Variants in COX10 observed in about 807,000 individuals in gnomAD.
COX10 encodes cytochrome c oxidase assembly factor heme A:farnesyltransferase COX10.
COX10 carries 27 observed loss-of-function variants against 37.3 expected under a neutral mutation model. That is an observed-to-expected ratio of 0.72 (90% CI 0.53 to 1.00). The LOEUF (loss-of-function observed/expected upper bound fraction) is 1.00. COX10 is among the 50% of genes least tolerant of loss of function. The pLI, the probability that COX10 is intolerant of heterozygous loss-of-function variation, is 0.00. For missense variants in COX10, 475 were observed against 563.2 expected (o/e 0.84, Z 1.59); for synonymous variants, 222 against 229.1 (o/e 0.97, Z 0.28).
At chr17:14,163,247 T>TCG (rs1905206446) in intron 5 of COX10, among the ~76,000 whole-genome samples, 1 of 150,842 alleles carries the variant, frequency 6.6e-6, no homozygotes, top group Non-Finnish European at 1.5e-5. Flanking sequence ...ATTTATTTAT[T>TCG]TATTTATTTA....
chr17:14,163,027 A>G (rs1214879264), intron 5 of COX10, among the ~76,000 whole-genome samples: 1 of 152,150 alleles, frequency 6.6e-6, no homozygotes, highest in African/African-American at 2.4e-5. Context: ...GCTTTTAATA[A>G]ATTAAAGCTG....
At chr17:14,179,124 A>G (rs1905776272) in intron 5 of COX10, 1 of 243,582 alleles carries the variant, frequency 4.1e-6, no homozygotes, top group South Asian at 1.5e-4. Flanking sequence ...AATATTTACC[A>G]AGTCTTAATT....
chr17:14,123,893 TGATGTTGAGACATAG>T (rs1161035440), intron 4 of COX10, among the ~76,000 whole-genome samples: 1 of 152,154 alleles, frequency 6.6e-6, no homozygotes, highest in Non-Finnish European at 1.5e-5. Flanking sequence ...TCAAACCATA[TGATGTTGAGACATAG>T]ACATTTTTCC....
At chr17:14,136,261 C>A (rs1228340469) in intron 4 of COX10, among the ~76,000 whole-genome samples, 1 of 151,852 alleles carries the variant, frequency 6.6e-6, no homozygotes, top group African/African-American at 2.4e-5. Context: ...GGTATGCAAA[C>A]AAGAAAATTA....
At position 14,207,569 on chromosome 17, in the gene COX10, C is replaced by G. The variant is rs907276647; in HGVS notation, c.*356C>G. The G allele has an allele frequency of 3.4e-5, 7 of 207,416 alleles. No homozygotes were observed. Among genetic ancestry groups the G allele is most frequent in the Non-Finnish European group, 6.9e-5 (7 of 102,018 alleles). The allele number at this position is 207,416 out of a possible 1,614,324, so 12.8% of individuals were successfully genotyped here. On this transcript the variant is annotated 3_prime_UTR_variant, in exon 7 of 7. Transcript: ENST00000261643. ...TCCTTACCACCACACCACACGCACA[C>G]TCCACATGCCCAGCAGAGTGGCACT...
intron 3 of COX10, among the ~76,000 whole-genome samples, chr17:14,090,687 A>G (rs1915507402): frequency 6.6e-6 from 1 of 152,158 alleles, no homozygotes; most frequent in Admixed American, 6.6e-5. Context: ...CGTGTTTGCC[A>G]GGTTAACTCC....
intron 3 of COX10, among the ~76,000 whole-genome samples, chr17:14,093,019 A>G (rs1313659043): frequency 2.6e-5 from 4 of 152,194 alleles, no homozygotes; most frequent in African/African-American, 9.6e-5. Flanking sequence ...TCAGCTTTCC[A>G]CGTTAAACAG....
chr17:14,153,362 T>C (rs1415086771), intron 4 of COX10, among the ~76,000 whole-genome samples: 1 of 152,182 alleles, frequency 6.6e-6, no homozygotes, highest in Non-Finnish European at 1.5e-5. Flanking sequence ...ACTTAAATAC[T>C]GAAGTATGAG....
intron 5 of COX10, among the ~76,000 whole-genome samples, chr17:14,163,526 G>T (rs573005730): frequency 6.6e-6 from 1 of 152,256 alleles, no homozygotes; most frequent in South Asian, 2.1e-4. Flanking sequence ...AAAGTGCTGG[G>T]ATTACAGGCA....
At chr17:14,133,666 G>A (rs1377885822) in intron 4 of COX10, among the ~76,000 whole-genome samples, 1 of 151,480 alleles carries the variant, frequency 6.6e-6, no homozygotes, top group Non-Finnish European at 1.5e-5. Flanking sequence ...CTATGAAATG[G>A]CACTACATGG....
chr17:14,173,975 C>T (rs1905567189), intron 5 of COX10, among the ~76,000 whole-genome samples: 2 of 152,056 alleles, frequency 1.3e-5, no homozygotes, highest in East Asian at 1.9e-4. Context: ...ACAAAAGCCA[C>T]AAACCATGCA....
chr17:14,154,011 G>A (rs969267285), intron 4 of COX10, among the ~76,000 whole-genome samples: 8 of 152,152 alleles, frequency 5.3e-5, no homozygotes, highest in African/African-American at 1.9e-4. Context: ...TATTCGGAGT[G>A]TAAAAAATTC....
chr17:14,095,539 T>G (rs1309686337), intron 3 of COX10, among the ~76,000 whole-genome samples: 1 of 152,226 alleles, frequency 6.6e-6, no homozygotes, highest in East Asian at 1.9e-4. Flanking sequence ...ATATTAATTT[T>G]CTATTGCAGT....
intron 4 of COX10, among the ~76,000 whole-genome samples, chr17:14,127,346 A>G (rs1035946593): frequency 4.6e-5 from 7 of 152,286 alleles, no homozygotes; most frequent in African/African-American, 1.7e-4. Flanking sequence ...AGAGTTCGAG[A>G]CAGCTCAACT....
chr17:14,094,750 A>T (rs1403338750), intron 3 of COX10, among the ~76,000 whole-genome samples: 5 of 152,204 alleles, frequency 3.3e-5, no homozygotes, highest in Non-Finnish European at 7.3e-5. Flanking sequence ...TGACCAGAGA[A>T]ATATTTCACC....
At chr17:14,069,824 AG>A (rs1234754388) in intron 1 of COX10, among the ~76,000 whole-genome samples, 176 bp downstream of exon 1, 1 of 152,174 alleles carries the variant, frequency 6.6e-6, no homozygotes, top group African/African-American at 2.4e-5. Flanking sequence ...TCACGGAGCT[AG>A]GGTCCAGTCT....
chr17:14,089,833 A>C (rs1915484611), intron 3 of COX10, among the ~76,000 whole-genome samples: 1 of 152,062 alleles, frequency 6.6e-6, no homozygotes, highest in African/African-American at 2.4e-5. Flanking sequence ...TGTGTATTTT[A>C]ATGGTCCCCA....
intron 5 of COX10, among the ~76,000 whole-genome samples, chr17:14,185,130 T>A (rs1905988239): frequency 6.6e-6 from 1 of 151,528 alleles, no homozygotes; most frequent in South Asian, 2.1e-4. Context: ...TAAAAAGGAG[T>A]AAAAGGACTA....
At chr17:14,119,157 T>C (rs759963868) in intron 4 of COX10, among the ~76,000 whole-genome samples, 4 of 152,154 alleles carry the variant, frequency 2.6e-5, no homozygotes, top group Non-Finnish European at 5.9e-5. Context: ...GTGTGTGGTA[T>C]TTACTGGAAT....
Sources: allele counts gnomAD v4.1 joint callset (sites outside exome capture counted in the v4.1 genomes callset), GRCh38; gene constraint gnomAD v4.1.1; transcripts MANE v1.5; gene names NCBI Gene and HGNC (gene_info 2026-07-23, HGNC 2026-07-21).